Variants in PCDH15 observed in about 807,000 individuals in gnomAD.
The protein encoded by PCDH15 is protocadherin related 15.
A neutral mutation model predicts 178.5 loss-of-function variants in PCDH15; 129 were observed. That is an observed-to-expected ratio of 0.72 (90% CI 0.63 to 0.84). PCDH15 has a LOEUF of 0.84. PCDH15 is among the 40% of genes least tolerant of loss of function. PCDH15 has a pLI of 0.00. For missense variants in PCDH15, 2,230 were observed against 2,099.9 expected (o/e 1.06, Z -1.21); for synonymous variants, 800 against 732.0 (o/e 1.09, Z -1.50).
At chr10:54,327,788 C>T (rs1938485365) in intron 7 of PCDH15, among the ~76,000 whole-genome samples, 1 of 152,020 alleles carries the variant, frequency 6.6e-6, no homozygotes, top group Non-Finnish European at 1.5e-5. Context: ...ATTAAAGGCA[C>T]AGGATGGCTT....
intron 2 of PCDH15, among the ~76,000 whole-genome samples, chr10:54,994,237 T>C (rs555790587): frequency 2.1e-3 from 314 of 152,338 alleles, no homozygotes; most frequent in African/African-American, 7.1e-3. Flanking sequence ...AATTAATGAC[T>C]CTCTGTCATT....
intron 1 of PCDH15, among the ~76,000 whole-genome samples, chr10:55,225,805 C>G (rs575166649): frequency 3.4e-4 from 51 of 152,116 alleles, no homozygotes; most frequent in Admixed American, 2.6e-3. Context: ...CTCCAACAAG[C>G]CTTCCCCTGT....
intron 1 of PCDH15, among the ~76,000 whole-genome samples, chr10:55,232,790 A>G (rs1841263055): frequency 6.6e-6 from 1 of 152,096 alleles, no homozygotes; most frequent in Non-Finnish European, 1.5e-5. Flanking sequence ...TCTGCCCAAC[A>G]ATCCTCAAGG....
chr10:53,909,576 T>C (rs534800222), intron 25 of PCDH15, among the ~76,000 whole-genome samples: 1 of 152,260 alleles, frequency 6.6e-6, no homozygotes, highest in South Asian at 2.1e-4. Context: ...AGTCTGCAGC[T>C]CCCAGCGTGC....
At chr10:54,359,824 AG>A (rs112444004) in intron 5 of PCDH15, among the ~76,000 whole-genome samples, 17,443 of 152,068 alleles carry the variant, frequency 0.11, 1,778 homozygotes, top group African/African-American at 0.28. Flanking sequence ...TTCAAAGAAA[AG>A]CTAAAATATT....
intron 1 of PCDH15, among the ~76,000 whole-genome samples, chr10:54,692,787 T>G (rs1222511919): frequency 6.6e-6 from 1 of 151,140 alleles, no homozygotes; most frequent in Non-Finnish European, 1.5e-5. Flanking sequence ...AAAATGAAAA[T>G]GATGTAGTAA....
At chr10:53,816,380 G>A (rs1302604555) in intron 34 of PCDH15, 103 bp from the exon 35 acceptor site, 14 of 395,906 alleles carry the variant, frequency 3.5e-5, no homozygotes, top group African/African-American at 1.0e-4. Flanking sequence ...AGTTTAAAAC[G>A]TGTTTCCTTG....
chr10:54,250,136 G>A (rs1390356057), intron 8 of PCDH15, among the ~76,000 whole-genome samples: 1 of 149,576 alleles, frequency 6.7e-6, no homozygotes, highest in Non-Finnish European at 1.5e-5. Context: ...TCGAACTTCT[G>A]AGCTCAAGCA....
At chr10:55,115,451 T>C (rs889110561) in intron 2 of PCDH15, among the ~76,000 whole-genome samples, 4 of 152,210 alleles carry the variant, frequency 2.6e-5, no homozygotes, top group Non-Finnish European at 5.9e-5. Context: ...TTTTTGTGCA[T>C]ACTATTTGGT....
chr10:55,095,013 C>T (rs1440641633), intron 2 of PCDH15, among the ~76,000 whole-genome samples: 1 of 151,192 alleles, frequency 6.6e-6, no homozygotes, highest in East Asian at 2.0e-4. Flanking sequence ...CCTCAACCAC[C>T]CTGGCTCAAG....
At chr10:55,119,413 C>A (rs1254883990) in intron 2 of PCDH15, among the ~76,000 whole-genome samples, 3 of 151,966 alleles carry the variant, frequency 2.0e-5, no homozygotes, top group African/African-American at 7.3e-5. Flanking sequence ...TTCTGATAAA[C>A]TATTTCTACT....
intron 1 of PCDH15, among the ~76,000 whole-genome samples, chr10:55,262,324 C>A (rs530501173): frequency 1.6e-5 from 2 of 126,998 alleles, no homozygotes; most frequent in African/African-American, 5.7e-5. Flanking sequence ...CACACCTGGG[C>A]CTATGCCCAT....
intron 3 of PCDH15, among the ~76,000 whole-genome samples, chr10:54,386,379 T>A (rs1190926981): frequency 6.6e-6 from 1 of 152,076 alleles, no homozygotes; most frequent in South Asian, 2.1e-4. Flanking sequence ...GGATCATAGG[T>A]TGGACAAGCT....
chr10:54,890,914 C>G (rs754714044), intron 3 of PCDH15, among the ~76,000 whole-genome samples: 4 of 151,982 alleles, frequency 2.6e-5, no homozygotes, highest in Non-Finnish European at 5.9e-5. Flanking sequence ...CAATAAAACA[C>G]ATAAACTCAT....
intron 4 of PCDH15, among the ~76,000 whole-genome samples, chr10:54,369,716 T>G (rs1252346799): frequency 6.6e-6 from 1 of 152,028 alleles, no homozygotes; most frequent in Non-Finnish European, 1.5e-5. Flanking sequence ...GCTGATCAAA[T>G]TAAAAATACT....
intron 1 of PCDH15, among the ~76,000 whole-genome samples, chr10:55,208,129 T>G (rs1260305481): frequency 6.6e-6 from 1 of 152,154 alleles, no homozygotes; most frequent in Admixed American, 6.5e-5. Flanking sequence ...ATATTGATTA[T>G]ATAGAGTAGA....
chr10:55,330,188 G>T (rs1181680457), intron 2 of PCDH15, among the ~76,000 whole-genome samples: 1 of 151,692 alleles, frequency 6.6e-6, no homozygotes, highest in Non-Finnish European at 1.5e-5. Context: ...AATATGTTTA[G>T]TATCTAGATA....
intron 2 of PCDH15, among the ~76,000 whole-genome samples, chr10:55,137,362 G>A (rs1035714983): frequency 1.3e-5 from 2 of 152,170 alleles, no homozygotes; most frequent in Admixed American, 6.5e-5. Flanking sequence ...GTAAAATGCC[G>A]TATAGGTTTG....
chr10:54,319,892 A>T (rs2061491290), intron 7 of PCDH15, among the ~76,000 whole-genome samples: 1 of 152,038 alleles, frequency 6.6e-6, no homozygotes, highest in Non-Finnish European at 1.5e-5. Context: ...TTGAGGGTAA[A>T]GTTTTAGGAA....
Sources: gnomAD v4.1 joint callset for allele counts (sites outside exome capture counted in the v4.1 genomes callset) on GRCh38, gnomAD v4.1.1 for gene constraint, MANE v1.5 for transcripts, NCBI Gene and HGNC (gene_info 2026-07-23, HGNC 2026-07-21) for gene names.